STXBP6: variants seen among roughly 807,000 people sequenced by gnomAD.
STXBP6 encodes the protein syntaxin binding protein 6.
STXBP6 carries 21 observed loss-of-function variants against 26.9 expected under a neutral mutation model. The ratio of observed to expected loss-of-function variants is 0.78; its 90% confidence interval spans 0.55 to 1.12. STXBP6 has a LOEUF of 1.12. STXBP6 is among the 50% of genes most tolerant of loss of function. The pLI is 0.00. For missense variants in STXBP6, 232 were observed against 257.9 expected, an observed-to-expected ratio of 0.90 and a Z score of 0.69; for synonymous variants, 97 against 92.6, an observed-to-expected ratio of 1.05 and a Z score of -0.27.
rs1438386834 is a variant in STXBP6 at position 24,882,366 on chromosome 14, G to A, written c.155-25209C>T. Among the ~76,000 whole-genome samples, 11 of 68,700 alleles carry A rather than the reference G, an allele frequency of 1.6e-4. No individual in the cohort carries two copies. In the Middle Eastern group the frequency reaches 0.062, roughly 390 times the overall value. 45.1% of individuals were successfully genotyped at this position (68,700 alleles called of 152,430 possible). A position where few individuals can be genotyped will look rare whatever the true frequency, so the allele number is the denominator to read the frequency against. On this transcript the variant is annotated intron_variant, in intron 2 of 5. Coordinates refer to ENST00000323944, the MANE Select transcript of STXBP6 (RefSeq NM_001394410.1). Reference sequence around the variant, plus strand: ...TGCACTCCAGCCTGGGCGACAGAGCGAGACTCCGTCTCAAAAAAAAAAAAA... The same window carrying A: ...TGCACTCCAGCCTGGGCGACAGAGCAAGACTCCGTCTCAAAAAAAAAAAAA...
intron 2 of STXBP6, among the ~76,000 whole-genome samples, chr14:24,948,790 T>C (rs890361262): frequency 1.3e-5 from 2 of 152,222 alleles, no homozygotes; most frequent in African/African-American, 4.8e-5. Context: ...TATAATTTTT[T>C]AAAATGTTGA....
intron 5 of STXBP6, among the ~76,000 whole-genome samples, chr14:24,814,700 G>A (rs1594892672): frequency 6.6e-6 from 1 of 152,288 alleles, no homozygotes; most frequent in South Asian, 2.1e-4. Flanking sequence ...TTCTTATGTT[G>A]AAACCTAACC....
chr14:24,815,493 A>C (rs2067946002), intron 5 of STXBP6, among the ~76,000 whole-genome samples: 1 of 148,834 alleles, frequency 6.7e-6, no homozygotes, highest in African/African-American at 2.4e-5. Flanking sequence ...TTTTATAATA[A>C]TATAATATTA....
chr14:24,818,597 G>C (rs915726395), intron 5 of STXBP6, among the ~76,000 whole-genome samples: 2 of 152,130 alleles, frequency 1.3e-5, no homozygotes, highest in Admixed American at 6.5e-5. Context: ...GAAGAGATAA[G>C]GACACACTGC....
At chr14:24,996,260 T>C (rs181206677) in intron 1 of STXBP6, among the ~76,000 whole-genome samples, 13 of 152,342 alleles carry the variant, frequency 8.5e-5, no homozygotes, top group Admixed American at 1.3e-4. Context: ...TTAATGCTTC[T>C]TGGCTATTTA....
intron 4 of STXBP6, among the ~76,000 whole-genome samples, chr14:24,844,701 T>C (rs896264279): frequency 2.6e-5 from 4 of 152,114 alleles, no homozygotes; most frequent in Non-Finnish European, 5.9e-5. Flanking sequence ...ATACAGAAAA[T>C]TGTTAAATTA....
At chr14:24,873,071 G>T (rs903432532) in intron 2 of STXBP6, among the ~76,000 whole-genome samples, 1 of 152,074 alleles carries the variant, frequency 6.6e-6, no homozygotes, top group African/African-American at 2.4e-5. Flanking sequence ...CTATTCATTT[G>T]CTTGGGAAGT....
intron 1 of STXBP6, among the ~76,000 whole-genome samples, chr14:25,003,303 C>T (rs114805067): frequency 0.011 from 1,693 of 152,312 alleles, 17 homozygotes; most frequent in African/African-American, 0.039. Flanking sequence ...AGCAGAGCCT[C>T]TTCCTGTGAA....
chr14:24,996,183 G>A (rs1454110362), intron 1 of STXBP6, among the ~76,000 whole-genome samples: 1 of 152,092 alleles, frequency 6.6e-6, no homozygotes, highest in Non-Finnish European at 1.5e-5. Flanking sequence ...AAAATATAAT[G>A]TATACCTTCC....
chr14:25,029,227 C>T (rs1021870099), intron 1 of STXBP6, among the ~76,000 whole-genome samples: 3 of 152,070 alleles, frequency 2.0e-5, no homozygotes, highest in Admixed American at 6.5e-5. Flanking sequence ...AAATCTTACA[C>T]GGAAGGAAGA....
chr14:24,990,213 C>T (rs981787757), intron 1 of STXBP6, among the ~76,000 whole-genome samples: 4 of 152,172 alleles, frequency 2.6e-5, no homozygotes, highest in Non-Finnish European at 1.5e-5. Flanking sequence ...TCTTGCTTCT[C>T]ATCACTTTGT....
intron 1 of STXBP6, among the ~76,000 whole-genome samples, chr14:25,012,030 G>A (rs8008618): frequency 0.15 from 22,460 of 152,148 alleles, 1,875 homozygotes; most frequent in African/African-American, 0.22. Flanking sequence ...TCACCCAGGT[G>A]CAGTACAACG....
chr14:24,912,568 C>A (rs550787933), intron 2 of STXBP6, among the ~76,000 whole-genome samples: 5 of 151,968 alleles, frequency 3.3e-5, no homozygotes, highest in African/African-American at 9.7e-5. Flanking sequence ...AATCATACAG[C>A]CTTACTTTAA....
At chr14:24,937,241 AC>A (rs2072633534) in intron 2 of STXBP6, among the ~76,000 whole-genome samples, 1 of 152,222 alleles carries the variant, frequency 6.6e-6, no homozygotes, top group Admixed American at 6.5e-5. Context: ...TACCCATGTA[AC>A]AAACCTGCAC....
intron 2 of STXBP6, among the ~76,000 whole-genome samples, chr14:24,931,144 C>CAAAA (rs2072387703): frequency 1.3e-5 from 1 of 77,226 alleles, no homozygotes; most frequent in African/African-American, 6.1e-5. Flanking sequence ...AAAAAAAAAC[C>CAAAA]CAAACACCAC....
At chr14:24,864,192 C>T (rs559577657) in intron 2 of STXBP6, among the ~76,000 whole-genome samples, 39 of 152,222 alleles carry the variant, frequency 2.6e-4, no homozygotes, top group South Asian at 1.2e-3. Flanking sequence ...TTCAAAGTCA[C>T]GGCCAACTGA....
At chr14:24,818,432 G>A (rs919669011) in intron 5 of STXBP6, among the ~76,000 whole-genome samples, 2 of 152,120 alleles carry the variant, frequency 1.3e-5, no homozygotes, top group African/African-American at 4.8e-5. Flanking sequence ...CTGGATTCAG[G>A]GGCAGCAGGG....
At chr14:24,813,399 G>A (rs1362746445) in intron 5 of STXBP6, among the ~76,000 whole-genome samples, 2 of 152,166 alleles carry the variant, frequency 1.3e-5, no homozygotes, top group Non-Finnish European at 2.9e-5. Flanking sequence ...GCCAGCCCAT[G>A]ATAATGTATT....
At chr14:24,988,235 A>G (rs2074382527) in intron 1 of STXBP6, among the ~76,000 whole-genome samples, 1 of 152,222 alleles carries the variant, frequency 6.6e-6, no homozygotes, top group Non-Finnish European at 1.5e-5. Flanking sequence ...AGAGGTAACA[A>G]AGAAAATCCA....
Sources: gnomAD v4.1 joint callset for allele counts (sites outside exome capture counted in the v4.1 genomes callset) on GRCh38, gnomAD v4.1.1 for gene constraint, MANE v1.5 for transcripts, NCBI Gene and HGNC (gene_info 2026-07-23, HGNC 2026-07-21) for gene names.